The following WWOX variants were observed in gnomAD, a reference collection of about 807,000 sequenced individuals.
The protein encoded by WWOX is WW domain-containing oxidoreductase.
A neutral mutation model predicts 46.2 loss-of-function variants in WWOX; 69 were observed. That is an observed-to-expected ratio of 1.49 (90% CI 1.23 to 1.82). WWOX has a LOEUF of 1.82. Among genes scored for constraint, WWOX ranks in the 40% most tolerant of loss-of-function variants. WWOX has a pLI of 0.00. For missense variants in WWOX, 919 were observed against 542.6 expected (o/e 1.69, Z -6.89); for synonymous variants, 359 against 202.6 (o/e 1.77, Z -6.56).
chr16:78,268,613 T>C (rs1165829591), intron 5 of WWOX, among the ~76,000 whole-genome samples: 1 of 152,204 alleles, frequency 6.6e-6, no homozygotes, highest in Non-Finnish European at 1.5e-5. Flanking sequence ...TCACCCACCA[T>C]TTCCTAGGTC....
intron 8 of WWOX, among the ~76,000 whole-genome samples, chr16:78,445,200 C>G (rs1451765444): frequency 6.6e-6 from 1 of 152,158 alleles, no homozygotes; most frequent in African/African-American, 2.4e-5. Context: ...AGAAGCCATT[C>G]TTTCAGCCTG....
intron 8 of WWOX, among the ~76,000 whole-genome samples, chr16:79,052,572 C>T (rs569370915): frequency 6.6e-6 from 1 of 152,196 alleles, no homozygotes; most frequent in East Asian, 1.9e-4. Flanking sequence ...GAAAATGTGG[C>T]CTTTGCCTCT....
intron 8 of WWOX, among the ~76,000 whole-genome samples, chr16:79,155,494 C>T (rs1268273989): frequency 6.6e-6 from 1 of 151,966 alleles, no homozygotes; most frequent in Admixed American, 6.6e-5. Flanking sequence ...AAAATGTAAT[C>T]ATTTTAAAAT....
At position 78,600,770 on chromosome 16, in the gene WWOX, C is replaced by A. The variant is rs369949967; in HGVS notation, c.1056+168018C>A. On this transcript the variant is annotated intron_variant, in intron 8 of 8. Transcript: ENST00000566780. ...ACTGAGAGAATTCTAGGCTTGACTT[C>A]TCTGTACAGCCATCTTGGGAGTGCT... 9.8e-5 allele frequency among the ~76,000 whole-genome samples: 15 copies of A among 152,318 alleles called. No homozygotes were observed. The East Asian group carries it at 1.9e-3, about 20-fold the overall frequency.
chr16:78,439,918 A>G (rs1457935608), intron 8 of WWOX, among the ~76,000 whole-genome samples: 4 of 152,318 alleles, frequency 2.6e-5, no homozygotes, highest in Middle Eastern at 3.4e-3. Context: ...GAGGCTCCTC[A>G]TTGCATGCCT....
At chr16:78,458,258 GTTTTTTTTT>G (rs78333090) in intron 8 of WWOX, among the ~76,000 whole-genome samples, 4,888 of 121,020 alleles carry the variant, frequency 0.04, 190 homozygotes, top group South Asian at 0.23. Flanking sequence ...CATTGGTATA[GTTTTTTTTT>G]TTTTTTTTTT....
At chr16:78,966,961 A>C (rs902696224) in intron 8 of WWOX, among the ~76,000 whole-genome samples, 2 of 152,200 alleles carry the variant, frequency 1.3e-5, no homozygotes, top group Non-Finnish European at 2.9e-5. Flanking sequence ...GTTCGTAAAT[A>C]CTGAGTTATT....
At chr16:78,929,025 C>A (rs2151278641) in intron 8 of WWOX, among the ~76,000 whole-genome samples, 1 of 152,224 alleles carries the variant, frequency 6.6e-6, no homozygotes, top group African/African-American at 2.4e-5. Flanking sequence ...CATATAGTTA[C>A]ATTAGATTTT....
chr16:78,692,532 A>G (rs1023448648), intron 8 of WWOX, among the ~76,000 whole-genome samples: 3 of 152,176 alleles, frequency 2.0e-5, no homozygotes, highest in African/African-American at 7.2e-5. Flanking sequence ...TAAGACGTCC[A>G]AGGAGCTCTT....
chr16:78,767,476 GTGTGTC>G (rs1487747095), intron 8 of WWOX, among the ~76,000 whole-genome samples: 239 of 94,154 alleles, frequency 2.5e-3, no homozygotes, highest in African/African-American at 9.7e-3. Context: ...GTGAGTGTGT[GTGTGTC>G]TGTGTGTGTG....
chr16:79,132,667 A>T (rs1320254924), intron 8 of WWOX, among the ~76,000 whole-genome samples: 1 of 151,970 alleles, frequency 6.6e-6, no homozygotes, highest in African/African-American at 2.4e-5. Flanking sequence ...GACCTTGCTA[A>T]GTTATTACTT....
intron 8 of WWOX, chr16:78,890,583 GC>G (rs1292578296): frequency 6.6e-6 from 1 of 152,112 alleles, no homozygotes; most frequent in Non-Finnish European, 1.5e-5. Flanking sequence ...CTCTCTTTTT[GC>G]CAGGGGAACA....
rs1018501633 is a variant in WWOX at position 78,386,749 on chromosome 16, T to A, written c.517-111T>A. 9.2e-5 allele frequency: 87 copies of A among 941,476 alleles called. 1 individual carries two copies. In the East Asian group the frequency reaches 2.1e-3, roughly 23 times the overall value. 58.3% of individuals were successfully genotyped at this position (941,476 alleles called of 1,614,324 possible). On this transcript the variant is annotated intron_variant, in intron 5 of 8. Transcript: ENST00000566780. ...TGATTTATATTCTCTCTGGGCGTCT[T>A]ATATTAAACAGGGGAATTCCGACAT...
In WWOX at chr16:79,126,388, G is replaced by A. The variant is rs1310930442; in HGVS notation, c.1057-85220G>A. ...CCCCACGTGTCAAAGGAGGGACCAG[G>A]TGGAGGTAATTTGATCATGGGGGTG... On this transcript the variant is annotated intron_variant, in intron 8 of 8. Coordinates refer to ENST00000566780, the MANE Select transcript of WWOX (RefSeq NM_016373.4). Among the ~76,000 whole-genome samples, 3 of 152,140 alleles carry A rather than the reference G, an allele frequency of 2.0e-5. No individual in the cohort carries two copies. The East Asian group carries it at 5.8e-4, about 29-fold the overall frequency.
chr16:79,165,849 G>C (rs541405261), intron 8 of WWOX, among the ~76,000 whole-genome samples: 1 of 152,270 alleles, frequency 6.6e-6, no homozygotes, highest in East Asian at 1.9e-4. Flanking sequence ...ACCGGGAACA[G>C]GGTTATAACT....
intron 8 of WWOX, among the ~76,000 whole-genome samples, chr16:78,492,916 G>A (rs998103743): frequency 5.9e-5 from 9 of 152,042 alleles, no homozygotes; most frequent in East Asian, 1.9e-4. Context: ...CTTTATTCAC[G>A]ACAGACATCA....
At chr16:78,664,449 C>T (rs1015965063) in intron 8 of WWOX, among the ~76,000 whole-genome samples, 3 of 152,160 alleles carry the variant, frequency 2.0e-5, no homozygotes, top group African/African-American at 7.2e-5. Context: ...GAGCTTCTTC[C>T]TCGATCAGGC....
intron 8 of WWOX, among the ~76,000 whole-genome samples, chr16:79,028,968 T>C (rs1310485729): frequency 6.6e-6 from 1 of 151,818 alleles, no homozygotes; most frequent in African/African-American, 2.4e-5. Flanking sequence ...CTAGTACCTA[T>C]GCTATGTGGA....
chr16:78,633,137 C>G (rs574772964), intron 8 of WWOX, among the ~76,000 whole-genome samples: 20 of 152,132 alleles, frequency 1.3e-4, no homozygotes, highest in African/African-American at 4.1e-4. Context: ...TGGCGTGTGC[C>G]TGTAATCCCA....
Sources: gnomAD v4.1 joint callset for allele counts (sites outside exome capture counted in the v4.1 genomes callset) on GRCh38, gnomAD v4.1.1 for gene constraint, MANE v1.5 for transcripts, NCBI Gene and HGNC (gene_info 2026-07-23, HGNC 2026-07-21) for gene names.